Variants in EYS observed in about 807,000 individuals in gnomAD.
EYS encodes the protein protein eyes shut homolog.
EYS carries 250 observed loss-of-function variants against 282.1 expected under a neutral mutation model. That is an observed-to-expected ratio of 0.89 (90% CI 0.80 to 0.98). The LOEUF (loss-of-function observed/expected upper bound fraction) is 0.98, where lower values mean the gene tolerates loss of function less well. Among genes scored for constraint, EYS ranks in the 50% least tolerant of loss-of-function variants. The pLI, the probability that EYS is intolerant of heterozygous loss-of-function variation, is 0.00. For synonymous variants in EYS, 1,355 were observed against 1,282.9 expected, an observed-to-expected ratio of 1.06 and a Z score of -1.20; for missense variants, 4,016 against 3,709.0, an observed-to-expected ratio of 1.08 and a Z score of -2.15.
intron 15 of EYS, among the ~76,000 whole-genome samples, chr6:64,928,179 C>A (rs1393547744): frequency 6.6e-6 from 1 of 151,918 alleles, no homozygotes; most frequent in Non-Finnish European, 1.5e-5. Flanking sequence ...CATTGCCTCC[C>A]CCTTCCCCAT....
intron 30 of EYS, among the ~76,000 whole-genome samples, chr6:64,290,201 A>G (rs1768652395): frequency 6.6e-6 from 1 of 152,096 alleles, no homozygotes; most frequent in African/African-American, 2.4e-5. Context: ...GCAACCAAGG[A>G]AGTATTTTTA....
intron 15 of EYS, among the ~76,000 whole-genome samples, chr6:64,931,869 G>T (rs1411104941): frequency 6.6e-6 from 1 of 152,004 alleles, no homozygotes; most frequent in Non-Finnish European, 1.5e-5. Context: ...TGCAGACACT[G>T]CAGACACTGT....
intron 12 of EYS, among the ~76,000 whole-genome samples, chr6:65,067,816 T>A (rs1773791155): frequency 6.6e-6 from 1 of 152,098 alleles, no homozygotes; most frequent in Non-Finnish European, 1.5e-5. Context: ...TTTCCTGTTT[T>A]TAATAATTTT....
chr6:64,485,461 G>A (rs1437403725), intron 26 of EYS, among the ~76,000 whole-genome samples: 1 of 151,494 alleles, frequency 6.6e-6, no homozygotes, highest in East Asian at 1.9e-4. Flanking sequence ...ATTTATTTAT[G>A]TTTTTGCTCA....
At chr6:64,398,163 A>G (rs1380431915) in intron 28 of EYS, among the ~76,000 whole-genome samples, 2 of 151,944 alleles carry the variant, frequency 1.3e-5, no homozygotes, top group Non-Finnish European at 2.9e-5. Flanking sequence ...GCTGAACACC[A>G]TAAAGTTGTG....
chr6:64,039,836 T>A (rs567259390), intron 33 of EYS, among the ~76,000 whole-genome samples: 1 of 152,318 alleles, frequency 6.6e-6, no homozygotes, highest in Non-Finnish European at 1.5e-5. Context: ...TTTCTTTTAT[T>A]TGTACATATT....
rs373058359 is a variant in EYS at position 64,713,471 on chromosome 6, C to T, written c.3444-87226G>A. The T allele has an allele frequency of 6.6e-5, 10 of 152,246 alleles. No individual in the cohort carries two copies. In the East Asian group the frequency reaches 1.4e-3, roughly 21 times the overall value. The allele number at this position is 152,246 out of a possible 1,614,324, so 9.4% of individuals were successfully genotyped here. A position where few individuals can be genotyped will look rare whatever the true frequency, so the allele number is the denominator to read the frequency against. On this transcript the variant is annotated intron_variant, in intron 22 of 42. Coordinates refer to ENST00000503581, the MANE Select transcript of EYS (RefSeq NM_001142800.2). ...ATTTGAAGTAAAAGAATACCATTCT[C>T]TCCATTTGTTCAAAAGGAGATATTT... is the stretch of plus-strand genomic sequence containing the variant.
At position 65,513,903 on chromosome 6, in the gene EYS, C is replaced by T. The variant is rs555279709; in HGVS notation, c.-332-17910G>A. On this transcript the variant is annotated intron_variant, in intron 2 of 42. Transcript: ENST00000503581. ...CACAAGACAGGGCTGCCCTCTCTCA[C>T]CACTCCTATTCAACATAGTGTTGGA... 1.1e-4 allele frequency among the ~76,000 whole-genome samples: 16 copies of T among 152,312 alleles called. No homozygotes were observed. In the South Asian group the frequency reaches 3.1e-3, roughly 30 times the overall value.
intron 24 of EYS, among the ~76,000 whole-genome samples, chr6:64,611,157 G>A (rs552834750): frequency 3.1e-3 from 471 of 151,996 alleles, no homozygotes; most frequent in Non-Finnish European, 5.4e-3. Flanking sequence ...CATTTTTTGT[G>A]TTTTTTTTGT....
chr6:65,601,227 T>A (rs558614968), intron 2 of EYS, among the ~76,000 whole-genome samples: 1 of 152,064 alleles, frequency 6.6e-6, no homozygotes, highest in Admixed American at 6.6e-5. Flanking sequence ...TAAGGTTAAT[T>A]TGAGAGTAGT....
intron 40 of EYS, among the ~76,000 whole-genome samples, chr6:63,771,963 T>G (rs1215098378): frequency 6.6e-6 from 1 of 152,134 alleles, no homozygotes; most frequent in African/African-American, 2.4e-5. Context: ...ATTCTTGCTT[T>G]TAGGCATAAA....
At chr6:64,981,818 G>A (rs1770677994) in intron 14 of EYS, among the ~76,000 whole-genome samples, 1 of 151,330 alleles carries the variant, frequency 6.6e-6, no homozygotes, top group African/African-American at 2.4e-5. Context: ...GGGAATAATT[G>A]GATACAAAAT....
chr6:64,883,484 G>T (rs1353903544), intron 19 of EYS, among the ~76,000 whole-genome samples: 3 of 149,870 alleles, frequency 2.0e-5, no homozygotes, highest in Non-Finnish European at 4.5e-5. Flanking sequence ...ATGTAGACAT[G>T]ACTACATGTA....
intron 12 of EYS, among the ~76,000 whole-genome samples, chr6:65,214,730 A>C (rs2150254608): frequency 6.6e-6 from 1 of 152,346 alleles, no homozygotes; most frequent in South Asian, 2.1e-4. Flanking sequence ...CATAGACTAA[A>C]TTCAAAGCTT....
chr6:65,351,265 G>GC (rs1247575623), intron 9 of EYS, among the ~76,000 whole-genome samples: 1 of 151,662 alleles, frequency 6.6e-6, no homozygotes, highest in East Asian at 1.9e-4. Flanking sequence ...TAGATTCTCA[G>GC]ATGTAGCGGT....
At chr6:65,666,528 A>G (rs1024421722) in intron 1 of EYS, among the ~76,000 whole-genome samples, 2 of 151,898 alleles carry the variant, frequency 1.3e-5, no homozygotes, top group Admixed American at 6.6e-5. Flanking sequence ...ACTAAAGTTT[A>G]TACCTGTCGG....
chr6:65,217,681 G>A (rs1766350415), intron 12 of EYS, among the ~76,000 whole-genome samples: 1 of 151,958 alleles, frequency 6.6e-6, no homozygotes, highest in Non-Finnish European at 1.5e-5. Flanking sequence ...CATATGAAAA[G>A]CCTTTTAGTC....
chr6:63,769,027 A>G lies in EYS; in HGVS notation c.7899-6394T>C, dbSNP rs146559384. On this transcript the variant is annotated intron_variant, in intron 40 of 42. Transcript: ENST00000503581. ...TAAGTAGGAGCTGAACAATGAGTAC[A>G]TATGGACACAAACAAATGGGAACGA... is the stretch of plus-strand genomic sequence containing the variant. 3.8e-4 allele frequency among the ~76,000 whole-genome samples: 58 copies of G among 152,282 alleles called. 1 individual carries two copies. In the East Asian group the frequency reaches 0.011, roughly 28 times the overall value.
At chr6:65,447,890 G>A (rs1290697174) in intron 5 of EYS, among the ~76,000 whole-genome samples, 2 of 152,024 alleles carry the variant, frequency 1.3e-5, no homozygotes, top group Admixed American at 1.3e-4. Context: ...GAAAGGAAAA[G>A]CATTTCAGGA....
Sources: gnomAD v4.1 joint callset for allele counts (sites outside exome capture counted in the v4.1 genomes callset) on GRCh38, gnomAD v4.1.1 for gene constraint, MANE v1.5 for transcripts, NCBI Gene and HGNC (gene_info 2026-07-23, HGNC 2026-07-21) for gene names.